The following ARMC8 variants were observed in gnomAD, a reference collection of about 807,000 sequenced individuals.
ARMC8 encodes armadillo repeat-containing protein 8.
In ARMC8, 20 loss-of-function variants were observed where a neutral mutation model predicts 99.3. The ratio of observed to expected loss-of-function variants is 0.20; its 90% CI spans 0.14 to 0.29. The LOEUF (loss-of-function observed/expected upper bound fraction) is 0.29. Ranked by LOEUF, ARMC8 falls within the 10% of genes least tolerant of loss-of-function variation. The pLI is 1.00. For synonymous variants in ARMC8, 263 were observed against 278.3 expected, an observed-to-expected ratio of 0.95 and a Z score of 0.55; for missense variants, 569 against 809.5, an observed-to-expected ratio of 0.70 and a Z score of 3.60.
intron 2 of ARMC8, among the ~76,000 whole-genome samples, chr3:138,213,360 CAG>C (rs1398314752): frequency 6.6e-6 from 1 of 152,154 alleles, no homozygotes; most frequent in Non-Finnish European, 1.5e-5. Flanking sequence ...TTGAAGAATG[CAG>C]AGTTATCTAG....
At chr3:138,268,789 T>TA (rs200483217) in intron 15 of ARMC8, among the ~76,000 whole-genome samples, 3,842 of 148,690 alleles carry the variant, frequency 0.026, 66 homozygotes, top group South Asian at 0.067. Context: ...AAATTAAAAT[T>TA]AAAAAAAAAA....
At chr3:138,189,889 C>T (rs1445284582) in intron 1 of ARMC8, among the ~76,000 whole-genome samples, 2 of 152,154 alleles carry the variant, frequency 1.3e-5, no homozygotes, top group Admixed American at 1.3e-4. Flanking sequence ...GTTATGAGTT[C>T]CCAATTTCTG....
At chr3:138,236,528 A>T (rs955923001) in intron 7 of ARMC8, among the ~76,000 whole-genome samples, 8 of 152,180 alleles carry the variant, frequency 5.3e-5, no homozygotes, top group African/African-American at 1.9e-4. Flanking sequence ...GGTTTGCTGT[A>T]TTACCAAAGT....
chr3:138,296,343 G>C lies in ARMC8; in HGVS notation c.*451G>C, dbSNP rs1431079004. ...TTTGTGTGAAAATCTCTTTTCTACA[G>C]ATTTTCCAGGGTTTAAGCATTGCTT... On this transcript the variant is annotated 3_prime_UTR_variant, in exon 22 of 22. Coordinates refer to ENST00000469044, the MANE Select transcript of ARMC8 (RefSeq NM_001363941.2). The C allele has an allele frequency of 1.3e-5, 2 of 153,038 alleles. No homozygotes were observed. Among genetic ancestry groups the C allele is most frequent in the African/African-American group, 4.8e-5 (2 of 41,454 alleles). The allele number at this position is 153,038 out of a possible 1,614,324, so 9.5% of individuals were successfully genotyped here.
At chr3:138,246,655 A>G (rs2046894394) in intron 12 of ARMC8, 3 of 985,658 alleles carry the variant, frequency 3.0e-6, no homozygotes, top group Non-Finnish European at 3.6e-6. Flanking sequence ...ATGGACCACA[A>G]TGGGAAATAG....
In ARMC8 at chr3:138,222,093, G is replaced by A. The variant is rs7631817; in HGVS notation, c.194+96G>A. On this transcript the variant is annotated intron_variant, in intron 3 of 21. Transcript: ENST00000469044. ...AGAACCCATTTTTCCTGTATTGTCT[G>A]TCTAATTCTTAAAATAAATCCTATT... 0.017 allele frequency: 14,854 copies of A among 854,004 alleles called. 1,487 individuals carry two copies. In the African/African-American group the frequency reaches 0.22, roughly 13 times the overall value. The allele number at this position is 854,004 out of a possible 1,614,324, so 52.9% of individuals were successfully genotyped here.
chr3:138,295,803 T>C, intron 21 of ARMC8, 56 bp from the exon 22 acceptor site: 1 of 1,596,394 alleles, frequency 6.3e-7, no homozygotes, highest in South Asian at 1.1e-5. Context: ...ACCATAGGGT[T>C]TTTTACCCCA....
intron 5 of ARMC8, among the ~76,000 whole-genome samples, chr3:138,227,591 T>G (rs149754558): frequency 3.2e-3 from 487 of 152,344 alleles, no homozygotes; most frequent in Middle Eastern, 6.8e-3. Context: ...TCAGCAGCCT[T>G]CTGTTTTCCT....
chr3:138,243,219 C>T (rs934297569), intron 11 of ARMC8, among the ~76,000 whole-genome samples: 7 of 152,306 alleles, frequency 4.6e-5, no homozygotes, highest in East Asian at 3.9e-4. Flanking sequence ...TTAACTAGTA[C>T]GTAGATTATC....
In ARMC8 at chr3:138,263,766, C is replaced by T; in HGVS notation, c.1162C>T (p.Arg388Ter). The T allele has an allele frequency of 6.2e-7, 1 of 1,613,868 alleles. No homozygotes were observed. Among genetic ancestry groups the T allele is most frequent in the Non-Finnish European group, 8.5e-7 (1 of 1,179,852 alleles). The stretch of plus-strand genomic sequence containing the variant: ...CATTGAGACTGAAAATATGATGGAC[C>T]GAATTGTGACTGGCTTGTCTGAGTC... ...KIIETENMMD[R>*]IVTGLSESSV... The change falls in exon 13 of 22, where the codon CGA (arginine) becomes TGA (stop). Residue 388 changes from arginine to a stop codon, truncating the protein, a stop_gained. Transcript: ENST00000469044. LOFTEE classifies it high-confidence loss of function.
rs184129424 is a variant in ARMC8 at position 138,217,688 on chromosome 3, C to A, written c.123-4238C>A. 3.6e-4 allele frequency among the ~76,000 whole-genome samples: 55 copies of A among 152,284 alleles called. 2 individuals are homozygous for A. The East Asian group carries it at 9.8e-3, about 27-fold the overall frequency. On this transcript the variant is annotated intron_variant, in intron 2 of 21. Coordinates refer to ENST00000469044, the MANE Select transcript of ARMC8 (RefSeq NM_001363941.2). ...GATTTTGGCTGAAAATCTTTCTCAA[C>A]AAATGCATGTTTGTAACATCTTAAT... is the stretch of plus-strand genomic sequence containing the variant.
rs11298899 is a variant in ARMC8, at chr3:138,264,412, C to CTTTTTTTTTTTTTTTTTTTTTTTTTT, written c.1299+225_1299+226insTTTTTTTTTTTTTTTTTTTTTTTTTT. On this transcript the variant is annotated intron_variant, in intron 14 of 21. Transcript: ENST00000469044. Reference sequence around the variant, plus strand: ...GGGAACTACAGGCCTGATTTTCTTTCTTTTTTTTTTTTTTTTTTTTTTTTT... The same window carrying CTTTTTTTTTTTTTTTTTTTTTTTTTT: ...GGGAACTACAGGCCTGATTTTCTTTCTTTTTTTTTTTTTTTTTTTTTTTTTTTTTTTTTTTTTTTTTTTTTTTTTTT... Among the ~76,000 whole-genome samples the CTTTTTTTTTTTTTTTTTTTTTTTTTT allele has an allele frequency of 6.2e-5, 3 of 48,630 alleles. 1 individual carries two copies. Among genetic ancestry groups the CTTTTTTTTTTTTTTTTTTTTTTTTTT allele is most frequent in the Non-Finnish European group, 3.7e-5 (1 of 27,386 alleles). 31.9% of individuals were successfully genotyped at this position (48,630 alleles called of 152,430 possible).
chr3:138,256,405 T>C (rs2047407038), intron 12 of ARMC8, among the ~76,000 whole-genome samples: 1 of 140,510 alleles, frequency 7.1e-6, no homozygotes, highest in South Asian at 2.4e-4. Flanking sequence ...CCTCCTTCTT[T>C]TTTTTTTTTT....
At chr3:138,242,632 A>G (rs2046682014) in intron 11 of ARMC8, among the ~76,000 whole-genome samples, 1 of 152,202 alleles carries the variant, frequency 6.6e-6, no homozygotes, top group Non-Finnish European at 1.5e-5. Context: ...TGTAAGAGAA[A>G]GTTTATTCAA....
At chr3:138,233,166 C>T (rs1372732742) in intron 6 of ARMC8, among the ~76,000 whole-genome samples, 1 of 152,198 alleles carries the variant, frequency 6.6e-6, no homozygotes, top group Non-Finnish European at 1.5e-5. Context: ...AGAGCAGTGC[C>T]TGGCACTGGT....
intron 6 of ARMC8, among the ~76,000 whole-genome samples, chr3:138,233,456 C>A (rs2108134461): frequency 6.6e-6 from 1 of 152,220 alleles, no homozygotes; most frequent in African/African-American, 2.4e-5. Flanking sequence ...ACATTAGAAA[C>A]TACCTAAAAT....
chr3:138,209,988 C>A, intron 2 of ARMC8, 95 bp downstream of exon 2: 2 of 846,614 alleles, frequency 2.4e-6, no homozygotes, highest in South Asian at 1.9e-5. Context: ...AGGGTTATAC[C>A]TTTTTTCTTT....
Position 138,253,460 on chromosome 3 carries a change from T to C in ARMC8, c.1134+8277T>C, listed in dbSNP as rs537926500. On this transcript the variant is annotated intron_variant, in intron 12 of 21. Transcript: ENST00000469044. Reference sequence around the variant, plus strand: ...TGACTCCAAAGCCTATGTTTTTAACTATTACATCACTTTATACATGCTAAG... The same window carrying C: ...TGACTCCAAAGCCTATGTTTTTAACCATTACATCACTTTATACATGCTAAG... Among the ~76,000 whole-genome samples, 3 of 152,344 alleles carry C rather than the reference T, an allele frequency of 2.0e-5. No individual in the cohort carries two copies. The Middle Eastern group carries it at 0.01, about 518-fold the overall frequency.
chr3:138,246,921 ATAT>A (rs1340279649), intron 12 of ARMC8: 4 of 788,874 alleles, frequency 5.1e-6, no homozygotes, highest in Non-Finnish European at 6.1e-6. Context: ...AGATACTGTG[ATAT>A]TATGTAATGG....
Sources: allele counts gnomAD v4.1 joint callset (sites outside exome capture counted in the v4.1 genomes callset), GRCh38; gene constraint gnomAD v4.1.1; transcripts MANE v1.5; gene names NCBI Gene and HGNC (gene_info 2026-07-23, HGNC 2026-07-21).